Variants in CNR2 observed in about 807,000 individuals in gnomAD.
CNR2 encodes cannabinoid receptor 2 (macrophage).
For synonymous variants in CNR2, 172 were observed against 182.2 expected, an observed-to-expected ratio of 0.94 and a Z score of 0.45; for missense variants, 379 against 439.9, an observed-to-expected ratio of 0.86 and a Z score of 1.24.
intron 1 of CNR2, among the ~76,000 whole-genome samples, chr1:23,891,792 TGA>T (rs1437671977): frequency 6.6e-6 from 1 of 152,148 alleles, no homozygotes; most frequent in Non-Finnish European, 1.5e-5. Context: ...TCCTGGATTG[TGA>T]GCTCCTTGTC....
chr1:23,904,257 C>G (rs1415505578), intron 1 of CNR2, among the ~76,000 whole-genome samples: 1 of 151,000 alleles, frequency 6.6e-6, no homozygotes. Flanking sequence ...ACTACAACCT[C>G]TGCTTCCCGG....
chr1:23,902,329 G>C, intron 1 of CNR2: 1 of 1,562,200 alleles, frequency 6.4e-7, no homozygotes. Flanking sequence ...CGCTGGGTCA[G>C]GTCGGGCTCC....
chr1:23,887,391 T>C (rs1427145511), intron 1 of CNR2, among the ~76,000 whole-genome samples: 1 of 152,168 alleles, frequency 6.6e-6, no homozygotes, highest in Non-Finnish European at 1.5e-5. Context: ...AGTCAGGAAA[T>C]GGCTCACCCC....
chr1:23,909,428 AC>A (rs1483045572), intron 1 of CNR2, among the ~76,000 whole-genome samples: 3 of 151,916 alleles, frequency 2.0e-5, no homozygotes, highest in Non-Finnish European at 2.9e-5. Context: ...GTGGGTTCCC[AC>A]TCTGCCCTCT....
rs189439265 is a variant in CNR2, at chr1:23,893,196, C to T, written c.-45-17534G>A. Among the ~76,000 whole-genome samples, 426 of 152,312 alleles carry T rather than the reference C, an allele frequency of 2.8e-3. 3 individuals are homozygous for T. Among genetic ancestry groups the T allele is most frequent in the African/African-American group, 9.7e-3 (405 of 41,560 alleles). On this transcript the variant is annotated intron_variant, in intron 1 of 1. Coordinates refer to ENST00000374472, the MANE Select transcript of CNR2 (RefSeq NM_001841.3). ...GTCCACTCACCATTCATCACCCCCA[C>T]CCAGGCTGTCTGGATTCACTCAGTC...
At chr1:23,902,506 C>G (rs1429466774) in intron 1 of CNR2, 1 of 1,607,624 alleles carries the variant, frequency 6.2e-7, no homozygotes, top group African/African-American at 1.3e-5. Flanking sequence ...TCACTGTACA[C>G]GTACTTTAAT....
At chr1:23,910,331 C>T (rs1640563154) in intron 1 of CNR2, among the ~76,000 whole-genome samples, 2 of 151,576 alleles carry the variant, frequency 1.3e-5, no homozygotes, top group Admixed American at 6.6e-5. Flanking sequence ...GATAGCAGCC[C>T]CCTCCTAGGC....
At chr1:23,896,881 G>GTTTTTTTTT (rs5773060) in intron 1 of CNR2, among the ~76,000 whole-genome samples, 2 of 141,802 alleles carry the variant, frequency 1.4e-5, no homozygotes, top group Non-Finnish European at 3.0e-5. Flanking sequence ...CACCAGGAGT[G>GTTTTTTTTT]TTTTTTTTTT....
chr1:23,902,600 G>T (rs1640419059), intron 1 of CNR2: 1 of 1,604,950 alleles, frequency 6.2e-7, no homozygotes, highest in African/African-American at 1.3e-5. Context: ...ACATGGCATA[G>T]AAGACGGAGC....
At chr1:23,901,684 C>A (rs1022923997) in intron 1 of CNR2, 2 of 1,456,456 alleles carry the variant, frequency 1.4e-6, no homozygotes, top group East Asian at 2.3e-5. Flanking sequence ...CAAACCAGAC[C>A]GGGAAGGTGT....
rs1406940573 is a variant in CNR2, at chr1:23,874,778, G to A, written c.840C>T (p.Ala280=). 2 of 1,613,858 alleles carry A rather than the reference G, an allele frequency of 1.2e-6. No homozygotes were observed. Among genetic ancestry groups the A allele is most frequent in the Middle Eastern group, 1.7e-4 (1 of 6,058 alleles). Residue 280 remains alanine (A), a synonymous_variant, in exon 2 of 2, where the codon GCC becomes GCT. Transcript: ENST00000374472. ...ATTLSDQVKK[A]FAFCSMLCLI... Reference sequence around the variant, plus strand: ...GGCACAGCATGGAGCAGAAAGCAAAGGCCTTCTTGACCTGGTCACTGAGCG... The same window carrying A: ...GGCACAGCATGGAGCAGAAAGCAAAAGCCTTCTTGACCTGGTCACTGAGCG...
chr1:23,894,321 T>A (rs7553326), intron 1 of CNR2, among the ~76,000 whole-genome samples: 2 of 151,996 alleles, frequency 1.3e-5, no homozygotes, highest in Non-Finnish European at 2.9e-5. Context: ...CTCGGGTGGC[T>A]GAGGCAGGAG....
intron 1 of CNR2, among the ~76,000 whole-genome samples, chr1:23,887,244 C>T (rs538341011): frequency 1.4e-3 from 213 of 152,306 alleles, no homozygotes; most frequent in Non-Finnish European, 2.5e-3. Flanking sequence ...GCTCCCACAT[C>T]CCCACTTGGC....
rs540858346 is a variant in CNR2, at chr1:23,884,893, C to T, written c.-45-9231G>A. Among the ~76,000 whole-genome samples the T allele has an allele frequency of 9.1e-4, 138 of 151,932 alleles. 2 individuals carry two copies. The highest frequency in any genetic ancestry group is 3.4e-3 in the Middle Eastern group (1 of 292). ...TCAACTCACTGCAACCTCCACCTTC[C>T]GAGTTCAAGCGGTTCTCCGGCCTCA... On this transcript the variant is annotated intron_variant, in intron 1 of 1. Transcript: ENST00000374472.
At chr1:23,888,052 TC>T (rs1640120827) in intron 1 of CNR2, among the ~76,000 whole-genome samples, 1 of 152,196 alleles carries the variant, frequency 6.6e-6, no homozygotes, top group African/African-American at 2.4e-5. Context: ...CAGCCTTTAT[TC>T]TTGCTCTTGT....
rs145312410 is a variant in CNR2, at chr1:23,875,763, G to T, written c.-45-101C>A. The T allele has an allele frequency of 9.4e-5, 87 of 924,542 alleles. No homozygotes were observed. In the African/African-American group the frequency reaches 1.4e-3, roughly 14 times the overall value. The allele number at this position is 924,542 out of a possible 1,614,324, so 57.3% of individuals were successfully genotyped here. On this transcript the variant is annotated intron_variant, in intron 1 of 1. Transcript: ENST00000374472. ...GCCAAAACTGCTACCTGTATGGATG[G>T]ATTCTATGTGGGAAAATCAGTTTCT...
chr1:23,901,797 A>G (rs1570720034), intron 1 of CNR2: 2 of 1,561,272 alleles, frequency 1.3e-6, no homozygotes, highest in South Asian at 2.2e-5. Context: ...CCAGAGCTGG[A>G]CCCACACAGG....
intron 1 of CNR2, among the ~76,000 whole-genome samples, chr1:23,909,808 C>A (rs1326701915): frequency 6.6e-6 from 1 of 152,118 alleles, no homozygotes. Context: ...AGTCCCCGAG[C>A]CTGCCCTGCA....
At chr1:23,886,888 G>GTTTTTTTGT (rs1038076657) in intron 1 of CNR2, among the ~76,000 whole-genome samples, 1 of 70,760 alleles carries the variant, frequency 1.4e-5, no homozygotes, top group Non-Finnish European at 3.4e-5. Flanking sequence ...ACCCTTTGCG[G>GTTTTTTTGT]TTTTTTTGTT....
Sources: gnomAD v4.1 joint callset for allele counts (sites outside exome capture counted in the v4.1 genomes callset) on GRCh38, gnomAD v4.1.1 for gene constraint, MANE v1.5 for transcripts, NCBI Gene and HGNC (gene_info 2026-07-23, HGNC 2026-07-21) for gene names.